Variants in ODAD2 observed in about 807,000 individuals in gnomAD.
ODAD2 encodes outer dynein arm docking complex subunit 2, also known as outer dynein arm-docking complex subunit 2.
In ODAD2, 89 loss-of-function variants were observed where a neutral mutation model predicts 106.8. The ratio of observed to expected loss-of-function variants is 0.83; its 90% CI spans 0.70 to 0.99. The LOEUF (loss-of-function observed/expected upper bound fraction) is 0.99, where lower values mean the gene tolerates loss of function less well. Ranked by LOEUF, ODAD2 falls within the 50% of genes least tolerant of loss-of-function variation. The probability of loss-of-function intolerance (pLI) is 0.00; values close to 1 mark genes in which losing one functional copy is unlikely to be tolerated. For synonymous variants in ODAD2, 404 were observed against 436.2 expected, an observed-to-expected ratio of 0.93 and a Z score of 0.92; for missense variants, 1,168 against 1,238.5, an observed-to-expected ratio of 0.94 and a Z score of 0.85.
intron 7 of ODAD2, among the ~76,000 whole-genome samples, chr10:27,971,893 C>T (rs1321963796): frequency 6.6e-6 from 1 of 152,126 alleles, no homozygotes; most frequent in East Asian, 1.9e-4. Flanking sequence ...AGAGAATTCA[C>T]TGCCAGAAGA....
At chr10:27,835,487 T>C (rs1443970439) in intron 19 of ODAD2, among the ~76,000 whole-genome samples, 1 of 152,070 alleles carries the variant, frequency 6.6e-6, no homozygotes, top group African/African-American at 2.4e-5. Context: ...TCTGTACAGT[T>C]GATGTCTGAA....
chr10:27,974,864 A>G (rs1165495811), intron 7 of ODAD2, among the ~76,000 whole-genome samples: 1 of 152,004 alleles, frequency 6.6e-6, no homozygotes, highest in Non-Finnish European at 1.5e-5. Context: ...TACTCTTTCA[A>G]TCCATGAGCA....
At chr10:27,889,123 T>C (rs1003070642) in intron 17 of ODAD2, among the ~76,000 whole-genome samples, 1 of 152,180 alleles carries the variant, frequency 6.6e-6, no homozygotes, top group Non-Finnish European at 1.5e-5. Flanking sequence ...AAAACAGTTA[T>C]ACAAAGGGGC....
At chr10:27,913,694 A>G (rs1246728877) in intron 16 of ODAD2, among the ~76,000 whole-genome samples, 1 of 152,226 alleles carries the variant, frequency 6.6e-6, no homozygotes, top group Non-Finnish European at 1.5e-5. Context: ...ATACTTCTCA[A>G]AAGAAGACAT....
At chr10:27,969,772 A>T (rs1384163034) in intron 8 of ODAD2, among the ~76,000 whole-genome samples, 2 of 152,178 alleles carry the variant, frequency 1.3e-5, no homozygotes, top group African/African-American at 2.4e-5. Context: ...ACAACATAGA[A>T]TATCACCTAC....
chr10:27,937,654 A>T (rs1447366761), intron 14 of ODAD2, among the ~76,000 whole-genome samples: 2 of 152,148 alleles, frequency 1.3e-5, no homozygotes, highest in Non-Finnish European at 2.9e-5. Flanking sequence ...AATTACTCCA[A>T]GCACACAGAT....
At position 27,860,640 on chromosome 10, in the gene ODAD2, C is replaced by T; in HGVS notation, c.3006G>A (p.Glu1002=). 6.2e-7 allele frequency: 1 copy of T among 1,613,948 alleles called. No homozygotes were observed. Among genetic ancestry groups the T allele is most frequent in the Non-Finnish European group, 8.5e-7 (1 of 1,179,952 alleles). ...TCAACTGTACCTTTACTGCACCATT[C>T]TCATGCATGGTGATGCAGTTATCGG... ...EDADNCITMH[E]NGAVKLLLDM... Residue 1002 remains glutamate, a synonymous_variant, in exon 19 of 20, where the codon GAG becomes GAA. Coordinates refer to ENST00000305242, the MANE Select transcript of ODAD2 (RefSeq NM_018076.5).
At chr10:27,967,174 G>A (rs1265989653) in intron 9 of ODAD2, among the ~76,000 whole-genome samples, 4 of 151,848 alleles carry the variant, frequency 2.6e-5, no homozygotes, top group African/African-American at 7.3e-5. Flanking sequence ...ACATAACAGC[G>A]TGGCCCAAGT....
At chr10:27,943,751 C>T (rs749274616) in intron 12 of ODAD2, among the ~76,000 whole-genome samples, 7 of 134,090 alleles carry the variant, frequency 5.2e-5, no homozygotes, top group Admixed American at 1.7e-4. Context: ...GCCAAGATCG[C>T]GCCACTGCAC....
intron 16 of ODAD2, among the ~76,000 whole-genome samples, chr10:27,920,989 C>T (rs779015644): frequency 3.3e-5 from 5 of 152,020 alleles, no homozygotes; most frequent in African/African-American, 1.2e-4. Context: ...TTTCATTACA[C>T]GATCACATAA....
At chr10:27,913,828 A>G (rs2133905511) in intron 16 of ODAD2, among the ~76,000 whole-genome samples, 1 of 152,326 alleles carries the variant, frequency 6.6e-6, no homozygotes, top group Non-Finnish European at 1.5e-5. Flanking sequence ...AAAAGTCAAA[A>G]AATAACAGAT....
intron 10 of ODAD2, among the ~76,000 whole-genome samples, chr10:27,956,374 A>C (rs1448091856): frequency 1.3e-5 from 2 of 152,166 alleles, no homozygotes; most frequent in Admixed American, 6.5e-5. Context: ...GTACATGTGG[A>C]GAAATGGCCC....
chr10:27,923,313 T>A (rs1393179595), intron 16 of ODAD2, among the ~76,000 whole-genome samples: 1 of 145,136 alleles, frequency 6.9e-6, no homozygotes, highest in Non-Finnish European at 1.5e-5. Context: ...TCAAGATATA[T>A]CAAGCAAATG....
chr10:27,850,444 C>CAAAAAAAA (rs10713871), intron 19 of ODAD2, among the ~76,000 whole-genome samples: 1 of 89,572 alleles, frequency 1.1e-5, no homozygotes, highest in Admixed American at 1.3e-4. Flanking sequence ...GACTCCGTCT[C>CAAAAAAAA]AAAAAAAAAA....
intron 10 of ODAD2, among the ~76,000 whole-genome samples, chr10:27,955,695 A>AGG (rs1269397278): frequency 9.1e-6 from 1 of 109,348 alleles, no homozygotes; most frequent in East Asian, 2.8e-4. Flanking sequence ...TAACCAATTA[A>AGG]GGTGTGTGTG....
chr10:27,946,269 T>C (rs947028597), intron 10 of ODAD2, among the ~76,000 whole-genome samples: 3 of 150,330 alleles, frequency 2.0e-5, no homozygotes, highest in Non-Finnish European at 3.0e-5. Flanking sequence ...TAACATATAA[T>C]AGGCTTAGCA....
intron 19 of ODAD2, among the ~76,000 whole-genome samples, chr10:27,846,985 A>G (rs566368819): frequency 6.6e-6 from 1 of 152,370 alleles, no homozygotes; most frequent in East Asian, 1.9e-4. Context: ...GCCAAATTCT[A>G]CCAGAAGTAC....
chr10:27,936,989 T>C, intron 14 of ODAD2, 109 bp from the exon 15 acceptor site: 1 of 1,119,178 alleles, frequency 8.9e-7, no homozygotes, highest in Non-Finnish European at 1.2e-6. Context: ...TCTAGAGAGA[T>C]CATTTTCGAA....
intron 14 of ODAD2, 22 bp downstream of exon 14, chr10:27,939,875 C>G (rs775541922): frequency 4.4e-5 from 66 of 1,495,818 alleles, no homozygotes; most frequent in Non-Finnish European, 5.8e-5. Flanking sequence ...ACGCCAACAA[C>G]CGCTGGGAGA....
Sources: allele counts gnomAD v4.1 joint callset (sites outside exome capture counted in the v4.1 genomes callset), GRCh38; gene constraint gnomAD v4.1.1; transcripts MANE v1.5; gene names NCBI Gene and HGNC (gene_info 2026-07-23, HGNC 2026-07-21).